The following PTPRN2 variants were observed in gnomAD, a reference collection of about 807,000 sequenced individuals.
The protein encoded by PTPRN2 is protein tyrosine phosphatase receptor type N2, also known as receptor-type tyrosine-protein phosphatase N2.
PTPRN2 carries 74 observed loss-of-function variants against 118.8 expected under a neutral mutation model. The ratio of observed to expected loss-of-function variants is 0.62; its 90% CI spans 0.52 to 0.76. PTPRN2 has a LOEUF of 0.76. Among genes scored for constraint, PTPRN2 ranks in the 30% least tolerant of loss-of-function variants. The pLI is 0.00. For synonymous variants in PTPRN2, 641 were observed against 608.0 expected (o/e 1.05, Z -0.80); for missense variants, 1,481 against 1,394.4 (o/e 1.06, Z -0.99).
At chr7:158,341,037 C>CGT (rs1806654564) in intron 2 of PTPRN2, among the ~76,000 whole-genome samples, 1 of 14,026 alleles carries the variant, frequency 7.1e-5, no homozygotes, top group Non-Finnish European at 1.6e-4. Flanking sequence ...CCACACTCAC[C>CGT]ATGAGGTGAC....
chr7:157,932,021 G>A (rs183863289), intron 11 of PTPRN2, among the ~76,000 whole-genome samples: 5 of 152,254 alleles, frequency 3.3e-5, no homozygotes, highest in African/African-American at 7.2e-5. Flanking sequence ...CTCGTCACCC[G>A]ATTCTCCAAA....
At chr7:157,928,371 A>G (rs1799150213) in intron 11 of PTPRN2, among the ~76,000 whole-genome samples, 1 of 152,164 alleles carries the variant, frequency 6.6e-6, no homozygotes, top group Non-Finnish European at 1.5e-5. Flanking sequence ...TCCCTGAGAA[A>G]GATAGAACTG....
rs1324444775 is a variant in PTPRN2 at position 158,546,622 on chromosome 7, G to A, written c.112+40936C>T. On this transcript the variant is annotated intron_variant, in intron 1 of 22. Coordinates refer to ENST00000389418, the MANE Select transcript of PTPRN2 (RefSeq NM_002847.5). The surrounding 1 kb of genome is among the most constrained non-coding windows in gnomAD (Gnocchi z 5.0). The stretch of plus-strand genomic sequence containing the variant: ...GCCACACCTTGACGTGGGAGGCCAC[G>A]GGACAGACGCCACCTCTCCCGAGTA... 3.9e-5 allele frequency among the ~76,000 whole-genome samples: 6 copies of A among 152,260 alleles called. No individual in the cohort carries two copies. Among genetic ancestry groups the A allele is most frequent in the East Asian group, 3.9e-4 (2 of 5,168 alleles).
At position 157,962,325 on chromosome 7, in the gene PTPRN2, TATTCCACCAGCGGGAGC is replaced by T. The variant is rs747302207; in HGVS notation, c.1724-63605_1724-63589del. ...AATGGCCACACTTCAGCAGGAGTGT[TATTCCACCAGCGGGAGC>T]GTTATTCCCCCAGCGGGAGCGTTAT... is the stretch of plus-strand genomic sequence containing the variant. On this transcript the variant is annotated intron_variant, in intron 11 of 22. Coordinates refer to ENST00000389418, the MANE Select transcript of PTPRN2 (RefSeq NM_002847.5). Among the ~76,000 whole-genome samples the T allele has an allele frequency of 0.016, 2,422 of 152,174 alleles. 167 individuals carry two copies. The East Asian group carries it at 0.24, about 15-fold the overall frequency.
intron 2 of PTPRN2, among the ~76,000 whole-genome samples, chr7:158,364,593 T>C (rs1809284436): frequency 1.3e-5 from 2 of 152,216 alleles, no homozygotes; most frequent in Non-Finnish European, 2.9e-5. Context: ...CAGACAGATG[T>C]TCAATTAAAC....
At chr7:157,769,722 C>G (rs1323268123) in intron 12 of PTPRN2, among the ~76,000 whole-genome samples, 1 of 152,204 alleles carries the variant, frequency 6.6e-6, no homozygotes, top group Non-Finnish European at 1.5e-5. Flanking sequence ...GAACTCTCTT[C>G]CGCAGCTCCC....
intron 2 of PTPRN2, among the ~76,000 whole-genome samples, chr7:158,450,912 A>ACACCTGCC (rs1818055166): frequency 6.6e-6 from 1 of 152,136 alleles, no homozygotes; most frequent in Non-Finnish European, 1.5e-5. Context: ...ACATTCCAGC[A>ACACCTGCC]CACCTGCCCA....
rs558583458 is a variant in PTPRN2 at position 157,618,324 on chromosome 7, G to C, written c.2344+3038C>G. ...GCAGGTGCAGAGGGAGGACTTGAAG[G>C]TTCCATCCCTAACAGAGGACAGCGT... On this transcript the variant is annotated intron_variant, in intron 15 of 22. Transcript: ENST00000389418. The surrounding 1 kb of genome is among the most constrained non-coding windows in gnomAD (Gnocchi z 4.2). 6.6e-6 allele frequency: 1 copy of C among 152,348 alleles called. No individual in the cohort carries two copies. The highest frequency in any genetic ancestry group is 1.5e-5 in the Non-Finnish European group (1 of 68,118). 9.4% of individuals were successfully genotyped at this position (152,348 alleles called of 1,614,324 possible).
At chr7:157,569,025 A>G in intron 20 of PTPRN2, 59 bp from the exon 21 acceptor site, 1 of 1,462,610 alleles carries the variant, frequency 6.8e-7, no homozygotes, top group East Asian at 2.3e-5. Context: ...CCGACCCACA[A>G]CAAAGCTAGT....
At chr7:158,445,045 G>A (rs1269345294) in intron 2 of PTPRN2, among the ~76,000 whole-genome samples, 1 of 152,170 alleles carries the variant, frequency 6.6e-6, no homozygotes, top group Non-Finnish European at 1.5e-5. Context: ...CCCCAAAAGG[G>A]CCTGAGCTGG....
chr7:158,460,202 T>C, intron 2 of PTPRN2, among the ~76,000 whole-genome samples: 4 of 111,812 alleles, frequency 3.6e-5, no homozygotes, highest in Non-Finnish European at 3.8e-5. Context: ...GTCATCCAGC[T>C]GCAGGATGGG....
At chr7:158,075,481 C>T (rs1346525350) in intron 11 of PTPRN2, among the ~76,000 whole-genome samples, 1 of 152,172 alleles carries the variant, frequency 6.6e-6, no homozygotes, top group Non-Finnish European at 1.5e-5. Flanking sequence ...GGTTCACACA[C>T]TGCAGGCCCC....
At chr7:158,488,895 A>T (rs1821228598) in intron 2 of PTPRN2, among the ~76,000 whole-genome samples, 1 of 152,174 alleles carries the variant, frequency 6.6e-6, no homozygotes, top group South Asian at 2.1e-4. Context: ...TTTTCTGAGG[A>T]TACTGGAGTT....
chr7:157,621,619 T>C, intron 14 of PTPRN2, 110 bp from the exon 15 acceptor site: 1 of 1,388,992 alleles, frequency 7.2e-7, no homozygotes, highest in Non-Finnish European at 9.9e-7. Flanking sequence ...CATGCCCACC[T>C]TGCTCACGAG....
intron 2 of PTPRN2, among the ~76,000 whole-genome samples, chr7:158,451,978 T>C (rs1202746193): frequency 6.6e-6 from 1 of 152,234 alleles, no homozygotes; most frequent in East Asian, 1.9e-4. Flanking sequence ...CTATGTATTT[T>C]CCAAATGTCT....
At chr7:158,150,772 C>A (rs901494494) in intron 6 of PTPRN2, among the ~76,000 whole-genome samples, 1 of 151,898 alleles carries the variant, frequency 6.6e-6, no homozygotes, top group Non-Finnish European at 1.5e-5. Context: ...TGCGTATCTG[C>A]AGCACCGCGA....
intron 2 of PTPRN2, among the ~76,000 whole-genome samples, chr7:158,418,017 TCTAG>T (rs1193576105): frequency 2.7e-5 from 4 of 150,696 alleles, no homozygotes; most frequent in African/African-American, 9.9e-5. Flanking sequence ...ATCGAGATGC[TCTAG>T]CTCTCAGTGT....
intron 3 of PTPRN2, among the ~76,000 whole-genome samples, chr7:158,236,471 C>A (rs1025772379): frequency 2.0e-5 from 3 of 152,180 alleles, no homozygotes; most frequent in Non-Finnish European, 2.9e-5. Context: ...GCCCTCAGAA[C>A]CTCAAGCAAA....
chr7:158,476,616 C>T (rs537362651), intron 2 of PTPRN2, among the ~76,000 whole-genome samples: 2 of 152,378 alleles, frequency 1.3e-5, no homozygotes, highest in Admixed American at 1.3e-4. Flanking sequence ...GCCAAGGGGC[C>T]TGAGAGTGTG....
Sources: gnomAD v4.1 joint callset for allele counts (sites outside exome capture counted in the v4.1 genomes callset) on GRCh38, gnomAD v4.1.1 for gene constraint, Gnocchi (gnomAD v3.1) non-coding constraint, MANE v1.5 for transcripts, NCBI Gene and HGNC (gene_info 2026-07-23, HGNC 2026-07-21) for gene names.